Variants in C14orf132 observed in about 807,000 individuals in gnomAD.
The protein encoded by C14orf132 is chromosome 14 open reading frame 132.
C14orf132 carries 6 observed loss-of-function variants against 5.8 expected under a neutral mutation model. The observed-to-expected ratio is 1.03, with a 90% confidence interval of 0.57 to 2.04. The LOEUF (loss-of-function observed/expected upper bound fraction) is 2.04. Ranked by LOEUF, C14orf132 falls within the 30% of genes most tolerant of loss-of-function variation. The pLI is 0.00. For synonymous variants in C14orf132, 51 were observed against 49.8 expected, an observed-to-expected ratio of 1.02 and a Z score of -0.10; for missense variants, 125 against 115.8, an observed-to-expected ratio of 1.08 and a Z score of -0.37.
Position 96,082,619 on chromosome 14 carries a change from G to A in C14orf132, c.28-3892G>A, listed in dbSNP as rs560370494. Among the ~76,000 whole-genome samples, 39 of 152,294 alleles carry A rather than the reference G, an allele frequency of 2.6e-4. No homozygotes were observed. In the South Asian group the frequency reaches 4.4e-3, roughly 17 times the overall value. On this transcript the variant is annotated intron_variant, in intron 1 of 1. Transcript: ENST00000555004. ...CCGCCTGTCTCAGCATACACTAGGGGGCACGGGTGGCCATCTGCTGACAAC... is the reference window on the plus strand; with the variant it reads ...CCGCCTGTCTCAGCATACACTAGGGAGCACGGGTGGCCATCTGCTGACAAC...
intron 1 of C14orf132, among the ~76,000 whole-genome samples, chr14:96,077,097 C>T (rs1468615544): frequency 1.3e-5 from 2 of 152,168 alleles, no homozygotes; most frequent in African/African-American, 4.8e-5. Context: ...TTTCACGTGC[C>T]CATGAGAAGA....
intron 1 of C14orf132, among the ~76,000 whole-genome samples, chr14:96,043,245 C>T (rs1886740451): frequency 2.6e-5 from 4 of 152,154 alleles, no homozygotes; most frequent in Admixed American, 2.6e-4. Flanking sequence ...CGTTGGGATG[C>T]TCACTTGCTC....
intron 1 of C14orf132, among the ~76,000 whole-genome samples, chr14:96,085,988 TCACACA>T (rs10558318): frequency 6.7e-6 from 1 of 148,850 alleles, no homozygotes; most frequent in African/African-American, 2.5e-5. Flanking sequence ...TCTCTCTCTG[TCACACA>T]CACACACACA....
chr14:96,091,411 G>A lies in C14orf132; in HGVS notation c.*4676G>A. On this transcript the variant is annotated 3_prime_UTR_variant, in exon 2 of 2. Coordinates refer to ENST00000555004, the MANE Select transcript of C14orf132 (RefSeq NM_001252507.3). ...TAATTTTTCGGGGAGAGCAGCTGAGGCCGTGTGGAAAATTAGTGGAGAGCT... is the reference window on the plus strand; with the variant it reads ...TAATTTTTCGGGGAGAGCAGCTGAGACCGTGTGGAAAATTAGTGGAGAGCT... The A allele has an allele frequency of 4.8e-6, 1 of 207,832 alleles. No homozygotes were observed. The highest frequency in any genetic ancestry group is 1.2e-4 in the East Asian group (1 of 8,180). The allele number at this position is 207,832 out of a possible 1,614,324, so 12.9% of individuals were successfully genotyped here. A position where few individuals can be genotyped will look rare whatever the true frequency, so the allele number is the denominator to read the frequency against.
intron 1 of C14orf132, among the ~76,000 whole-genome samples, chr14:96,061,011 TAGTAAAA>T (rs1887338184): frequency 6.6e-6 from 1 of 152,178 alleles, no homozygotes; most frequent in African/African-American, 2.4e-5. Context: ...CATCTTTAAA[TAGTAAAA>T]ACAAAGACAA....
At chr14:96,073,316 A>G (rs1887766416) in intron 1 of C14orf132, among the ~76,000 whole-genome samples, 1 of 152,190 alleles carries the variant, frequency 6.6e-6, no homozygotes, top group Non-Finnish European at 1.5e-5. Context: ...AGCTGTTCAG[A>G]TCTTTTACCT....
At chr14:96,055,545 T>C (rs1887157264) in intron 1 of C14orf132, among the ~76,000 whole-genome samples, 1 of 152,194 alleles carries the variant, frequency 6.6e-6, no homozygotes. Context: ...CAAATGCCGC[T>C]GCGTACATCT....
chr14:96,058,472 A>G (rs747998861), intron 1 of C14orf132, among the ~76,000 whole-genome samples: 3 of 152,034 alleles, frequency 2.0e-5, no homozygotes, highest in Non-Finnish European at 2.9e-5. Context: ...TTAATCATCT[A>G]CCTTCTTGCT....
intron 1 of C14orf132, among the ~76,000 whole-genome samples, chr14:96,080,791 C>T (rs902903227): frequency 6.6e-6 from 1 of 152,152 alleles, no homozygotes; most frequent in African/African-American, 2.4e-5. Context: ...CGCACTCAGC[C>T]ACCCCATGCT....
rs1674940817 is a variant in C14orf132 at position 96,089,837 on chromosome 14, G to C, written c.*3102G>C. 6.6e-6 allele frequency: 1 copy of C among 152,242 alleles called. No homozygotes were observed. Among genetic ancestry groups the C allele is most frequent in the Admixed American group, 6.5e-5 (1 of 15,272 alleles). The allele number at this position is 152,242 out of a possible 1,614,324, so 9.4% of individuals were successfully genotyped here. A position where few individuals can be genotyped will look rare whatever the true frequency, so the allele number is the denominator to read the frequency against. On this transcript the variant is annotated 3_prime_UTR_variant, in exon 2 of 2. Transcript: ENST00000555004. ...AGCCCAGCAGAAGCACCCACACGTA[G>C]AAAGAGGCTCACTACAGCCAGAAGT...
At chr14:96,075,974 G>A (rs1887853762) in intron 1 of C14orf132, among the ~76,000 whole-genome samples, 1 of 152,024 alleles carries the variant, frequency 6.6e-6, no homozygotes, top group African/African-American at 2.4e-5. Context: ...CTTATTTTTT[G>A]GAACAGAATG....
intron 1 of C14orf132, among the ~76,000 whole-genome samples, chr14:96,078,748 C>T (rs1887948270): frequency 6.6e-6 from 1 of 152,226 alleles, no homozygotes. Context: ...CCACCCATCC[C>T]TTCAGGAGGA....
At chr14:96,082,247 G>C (rs1403569620) in intron 1 of C14orf132, among the ~76,000 whole-genome samples, 1 of 152,144 alleles carries the variant, frequency 6.6e-6, no homozygotes, top group African/African-American at 2.4e-5. Flanking sequence ...CACCAGAAGG[G>C]CATCTTTAAA....
chr14:96,087,880 A>G lies in C14orf132; in HGVS notation c.*1145A>G, dbSNP rs1025038976. ...GTCCTGGCAAGCAAGGAAGCTTCCAAGTAAAAACCAGAGAGAAGGGCACAC... is the reference window on the plus strand; with the variant it reads ...GTCCTGGCAAGCAAGGAAGCTTCCAGGTAAAAACCAGAGAGAAGGGCACAC... On this transcript the variant is annotated 3_prime_UTR_variant, in exon 2 of 2. Coordinates refer to ENST00000555004, the MANE Select transcript of C14orf132 (RefSeq NM_001252507.3). 6.6e-6 allele frequency: 1 copy of G among 152,316 alleles called. No homozygotes were observed. Among genetic ancestry groups the G allele is most frequent in the African/African-American group, 2.4e-5 (1 of 41,550 alleles). 9.4% of individuals were successfully genotyped at this position (152,316 alleles called of 1,614,324 possible). A position where few individuals can be genotyped will look rare whatever the true frequency, so the allele number is the denominator to read the frequency against.
At chr14:96,046,781 C>T (rs541174989) in intron 1 of C14orf132, among the ~76,000 whole-genome samples, 5 of 152,316 alleles carry the variant, frequency 3.3e-5, no homozygotes, top group Non-Finnish European at 7.3e-5. Context: ...AGAGAAGGTC[C>T]CCCAGGACCT....
rs1888492067 is a variant in C14orf132, at chr14:96,093,704, T to C, written c.*6969T>C. 6.6e-6 allele frequency: 1 copy of C among 152,250 alleles called. No individual in the cohort carries two copies. Among genetic ancestry groups the C allele is most frequent in the South Asian group, 2.1e-4 (1 of 4,836 alleles). The allele number at this position is 152,250 out of a possible 1,614,324, so 9.4% of individuals were successfully genotyped here. A position where few individuals can be genotyped will look rare whatever the true frequency, so the allele number is the denominator to read the frequency against. On this transcript the variant is annotated 3_prime_UTR_variant, in exon 2 of 2. Transcript: ENST00000555004. ...GCTACCCAAGCACCTGGTTTCACCATGCGATCACTGACTTCTCTACAGTGA... is the reference window on the plus strand; with the variant it reads ...GCTACCCAAGCACCTGGTTTCACCACGCGATCACTGACTTCTCTACAGTGA...
In C14orf132 at chr14:96,039,449, C is replaced by A. The variant is rs1027247207; in HGVS notation, c.-52C>A. 17 of 1,475,350 alleles carry A rather than the reference C, an allele frequency of 1.2e-5. No individual in the cohort carries two copies. The highest frequency in any genetic ancestry group is 1.4e-5 in the Non-Finnish European group (16 of 1,112,580). The allele number at this position is 1,475,350 out of a possible 1,614,324, so 91.4% of individuals were successfully genotyped here. ...CCCGCCAACTGTGCAGGCGGCTGAC[C>A]CGCAGCGGCAGCGGCAGCAGCGAGG... On this transcript the variant is annotated 5_prime_UTR_variant, in exon 1 of 2. Coordinates refer to ENST00000555004, the MANE Select transcript of C14orf132 (RefSeq NM_001252507.3). The surrounding 1 kb of genome is among the most constrained non-coding windows in gnomAD (Gnocchi z 5.3).
At chr14:96,072,854 A>C (rs1887752260) in intron 1 of C14orf132, among the ~76,000 whole-genome samples, 1 of 152,212 alleles carries the variant, frequency 6.6e-6, no homozygotes, top group African/African-American at 2.4e-5. Flanking sequence ...ATATTGGGTG[A>C]ATGTAGACAG....
Position 96,089,030 on chromosome 14 carries a change from G to C in C14orf132, c.*2295G>C, listed in dbSNP as rs1172884435. 7 of 152,290 alleles carry C rather than the reference G, an allele frequency of 4.6e-5. No homozygotes were observed. Among genetic ancestry groups the C allele is most frequent in the South Asian group, 2.1e-4 (1 of 4,836 alleles). 9.4% of individuals were successfully genotyped at this position (152,290 alleles called of 1,614,324 possible). A position where few individuals can be genotyped will look rare whatever the true frequency, so the allele number is the denominator to read the frequency against. On this transcript the variant is annotated 3_prime_UTR_variant, in exon 2 of 2. Coordinates refer to ENST00000555004, the MANE Select transcript of C14orf132 (RefSeq NM_001252507.3). ...GGGCATTGGAGGCCTCGACCACTCTGCATTGCAGATTACAGTGACTTCCTC... is the reference window on the plus strand; with the variant it reads ...GGGCATTGGAGGCCTCGACCACTCTCCATTGCAGATTACAGTGACTTCCTC...
Sources: allele counts gnomAD v4.1 joint callset (sites outside exome capture counted in the v4.1 genomes callset), GRCh38; gene constraint gnomAD v4.1.1; non-coding constraint Gnocchi (gnomAD v3.1); transcripts MANE v1.5; gene names NCBI Gene and HGNC (gene_info 2026-07-23, HGNC 2026-07-21).